The following GPC3 variants were observed in gnomAD, a reference collection of about 807,000 sequenced individuals.
GPC3 encodes the protein glypican-3.
Under a neutral mutation model 34.4 loss-of-function variants are expected in GPC3, and 3 were observed. The ratio of observed to expected loss-of-function variants is 0.09; its 90% CI spans 0.04 to 0.23. The LOEUF (loss-of-function observed/expected upper bound fraction) is 0.23. GPC3 is among the 10% of genes least tolerant of loss of function. The probability of loss-of-function intolerance (pLI) is 1.00; values close to 1 mark genes in which losing one functional copy is unlikely to be tolerated. For synonymous variants in GPC3, 177 were observed against 174.0 expected (o/e 1.02, Z -0.13); for missense variants, 351 against 445.6 (o/e 0.79, Z 1.91).
intron 2 of GPC3, among the ~76,000 whole-genome samples, chrX:133,856,414 A>G (rs1347098747): frequency 9.0e-6 from 1 of 111,255 alleles, no homozygotes; most frequent in African/African-American, 3.3e-5. Flanking sequence ...AATTTAAAAA[A>G]AAATAAAAAC....
intron 2 of GPC3, among the ~76,000 whole-genome samples, chrX:133,768,739 G>C (rs2071879352): frequency 9.0e-6 from 1 of 111,044 alleles, no homozygotes; most frequent in Non-Finnish European, 1.9e-5. Flanking sequence ...AGGAGTTCGA[G>C]ACCAGCCTGA....
At chrX:133,572,137 G>A (rs1428614729) in intron 7 of GPC3, among the ~76,000 whole-genome samples, 2 of 111,265 alleles carry the variant, frequency 1.8e-5, no homozygotes, top group Non-Finnish European at 3.8e-5. Context: ...AAATCATGTC[G>A]AGTCTATTCT....
intron 2 of GPC3, among the ~76,000 whole-genome samples, chrX:133,885,467 A>G (rs2076058000): frequency 8.9e-6 from 1 of 111,900 alleles, no homozygotes; most frequent in South Asian, 3.7e-4. Context: ...GGCCTCATTC[A>G]TAACTGAATA....
chrX:133,903,893 G>C (rs2076156822), intron 2 of GPC3, among the ~76,000 whole-genome samples: 1 of 111,340 alleles, frequency 9.0e-6, no homozygotes. Context: ...ACAGGCAAAG[G>C]CACACAAGAC....
intron 7 of GPC3, among the ~76,000 whole-genome samples, chrX:133,588,411 C>G (rs990269042): frequency 9.0e-6 from 1 of 110,748 alleles, no homozygotes; most frequent in Non-Finnish European, 1.9e-5. Flanking sequence ...ACAAAAAAAC[C>G]CAGGACATTT....
rs776515124 is a variant in GPC3 at position 133,765,744 on chromosome X, A to G, written c.338-11568T>C. On this transcript the variant is annotated intron_variant, in intron 2 of 7. Coordinates refer to ENST00000370818, the MANE Select transcript of GPC3 (RefSeq NM_004484.4). ...TGTAACTGTTATTAAAGATTTCCATAGCACTTTTTATTTCTGCAAGTGCTT... is the reference window on the plus strand; with the variant it reads ...TGTAACTGTTATTAAAGATTTCCATGGCACTTTTTATTTCTGCAAGTGCTT... 3.6e-5 allele frequency among the ~76,000 whole-genome samples: 4 copies of G among 111,871 alleles called. No homozygotes were observed. The East Asian group carries it at 1.1e-3, about 31-fold the overall frequency.
chrX:133,972,622 C>T (rs1054191796), intron 1 of GPC3, among the ~76,000 whole-genome samples: 7 of 112,530 alleles, frequency 6.2e-5, no homozygotes, highest in Non-Finnish European at 1.3e-4. Flanking sequence ...CATTCATTGG[C>T]TCAGTCTGTT....
intron 2 of GPC3, among the ~76,000 whole-genome samples, chrX:133,821,255 C>T (rs191496838): frequency 8.9e-6 from 1 of 112,124 alleles, no homozygotes; most frequent in African/African-American, 3.2e-5. Flanking sequence ...ATATGCACTC[C>T]ATTGACTAAT....
chrX:133,909,164 G>C (rs183190672), intron 2 of GPC3, among the ~76,000 whole-genome samples: 255 of 112,081 alleles, frequency 2.3e-3, no homozygotes, highest in African/African-American at 8.0e-3. Context: ...ACGAATATTT[G>C]GGCAGAGCCA....
At chrX:133,854,893 GATA>G (rs1288994550) in intron 2 of GPC3, among the ~76,000 whole-genome samples, 8 of 111,874 alleles carry the variant, frequency 7.2e-5, no homozygotes, top group African/African-American at 2.6e-4. Context: ...AACCATTCAA[GATA>G]ATGTTTTTAA....
intron 2 of GPC3, among the ~76,000 whole-genome samples, chrX:133,948,539 C>T (rs893789279): frequency 9.0e-6 from 1 of 111,480 alleles, no homozygotes; most frequent in South Asian, 3.8e-4. Context: ...TAGACTTATA[C>T]CAACCTTTTT....
At chrX:133,888,403 T>A (rs1185403123) in intron 2 of GPC3, among the ~76,000 whole-genome samples, 1 of 112,007 alleles carries the variant, frequency 8.9e-6, no homozygotes, top group Non-Finnish European at 1.9e-5. Flanking sequence ...TGTGTCTTTA[T>A]AGTAGAATGA....
intron 2 of GPC3, among the ~76,000 whole-genome samples, chrX:133,915,340 A>T: frequency 9.1e-6 from 1 of 109,676 alleles, no homozygotes; most frequent in African/African-American, 3.3e-5. Context: ...CGCCTGGCTA[A>T]TTTTTTGTAT....
chrX:133,679,273 T>C (rs1347581238), intron 5 of GPC3, among the ~76,000 whole-genome samples: 1 of 111,637 alleles, frequency 9.0e-6, no homozygotes, highest in Non-Finnish European at 1.9e-5. Context: ...CAATGTTCCA[T>C]TTATTCAGGG....
chrX:133,959,322 A>G (rs746130868), intron 1 of GPC3, among the ~76,000 whole-genome samples: 5 of 112,435 alleles, frequency 4.4e-5, no homozygotes, highest in Admixed American at 9.4e-5. Context: ...ATGAAGTCCT[A>G]TGCTTACCAC....
chrX:133,915,330 C>T (rs1386579159), intron 2 of GPC3, among the ~76,000 whole-genome samples: 11 of 109,636 alleles, frequency 1.0e-4, no homozygotes, highest in African/African-American at 1.3e-4. Context: ...CCCACCACCA[C>T]GCCTGGCTAA....
intron 2 of GPC3, among the ~76,000 whole-genome samples, chrX:133,840,590 TATCATCATC>T (rs760935848): frequency 1.8e-5 from 2 of 109,902 alleles, no homozygotes; most frequent in African/African-American, 3.3e-5. Flanking sequence ...ATATGTTAAC[TATCATCATC>T]ATCATCATCA....
At chrX:133,593,406 C>T (rs1458412078) in intron 7 of GPC3, among the ~76,000 whole-genome samples, 2 of 50,505 alleles carry the variant, frequency 4.0e-5, no homozygotes, top group African/African-American at 1.5e-4. Flanking sequence ...AAAACAGAAA[C>T]AAGAACAGTA....
At chrX:133,769,828 G>A (rs759757034) in intron 2 of GPC3, among the ~76,000 whole-genome samples, 27 of 111,912 alleles carry the variant, frequency 2.4e-4, no homozygotes, top group African/African-American at 7.8e-4. Context: ...GTTTTTAAAA[G>A]GGACATTATA....
Sources: allele counts gnomAD v4.1 joint callset (sites outside exome capture counted in the v4.1 genomes callset), GRCh38; gene constraint gnomAD v4.1.1; transcripts MANE v1.5; gene names NCBI Gene and HGNC (gene_info 2026-07-23, HGNC 2026-07-21).